The following POLR3B variants were observed in gnomAD, a reference collection of about 807,000 sequenced individuals.
POLR3B encodes RNA polymerase III subunit B, also known as DNA-directed RNA polymerase III subunit RPC2.
POLR3B carries 96 observed loss-of-function variants against 147.4 expected under a neutral mutation model. The observed-to-expected ratio is 0.65, with a 90% CI of 0.55 to 0.77. The LOEUF is 0.77. POLR3B is among the 30% of genes least tolerant of loss of function. The pLI, the probability that POLR3B is intolerant of heterozygous loss-of-function variation, is 0.00. For synonymous variants in POLR3B, 461 were observed against 485.9 expected, an observed-to-expected ratio of 0.95 and a Z score of 0.67; for missense variants, 1,036 against 1,413.5, an observed-to-expected ratio of 0.73 and a Z score of 4.28.
intron 22 of POLR3B, among the ~76,000 whole-genome samples, chr12:106,460,820 C>T (rs12303491): frequency 0.011 from 1,659 of 152,214 alleles, 23 homozygotes; most frequent in African/African-American, 0.038. Flanking sequence ...ATTCCTTCTC[C>T]ACAGGCTAGA....
chr12:106,430,241 G>C (rs768290287), intron 13 of POLR3B, 32 bp from the exon 14 acceptor site: 1 of 1,551,456 alleles, frequency 6.4e-7, no homozygotes, highest in East Asian at 2.2e-5. Flanking sequence ...GATTGGGTTA[G>C]GAATAGTCTT....
chr12:106,392,802 A>G (rs536910895), intron 9 of POLR3B, among the ~76,000 whole-genome samples: 127 of 152,362 alleles, frequency 8.3e-4, no homozygotes, highest in Admixed American at 2.9e-3. Flanking sequence ...GATAGTACAC[A>G]TGCAAAAAAT....
At chr12:106,439,565 A>C (rs1275398322) in intron 18 of POLR3B, among the ~76,000 whole-genome samples, 1 of 150,864 alleles carries the variant, frequency 6.6e-6, no homozygotes, top group African/African-American at 2.4e-5. Flanking sequence ...GGATTGCATG[A>C]GTCCAGGAGG....
intron 1 of POLR3B, among the ~76,000 whole-genome samples, chr12:106,363,624 T>C (rs1156707110): frequency 6.6e-6 from 1 of 152,246 alleles, no homozygotes; most frequent in Non-Finnish European, 1.5e-5. Context: ...GATTGAAAAG[T>C]GCTTAAAATC....
At chr12:106,445,223 A>G (rs1025301014) in intron 19 of POLR3B, among the ~76,000 whole-genome samples, 2 of 152,236 alleles carry the variant, frequency 1.3e-5, no homozygotes, top group Admixed American at 1.3e-4. Context: ...CTGAAAATAG[A>G]GAGATGAGGC....
intron 23 of POLR3B, among the ~76,000 whole-genome samples, chr12:106,478,998 T>A (rs927278797): frequency 6.6e-6 from 1 of 152,162 alleles, no homozygotes; most frequent in Non-Finnish European, 1.5e-5. Context: ...ACCTCCCTCC[T>A]ACTTTATTCC....
At chr12:106,383,527 T>G (rs573696092) in intron 9 of POLR3B, among the ~76,000 whole-genome samples, 1 of 152,110 alleles carries the variant, frequency 6.6e-6, no homozygotes, top group Non-Finnish European at 1.5e-5. Context: ...TTCACTATTG[T>G]TGTGTCTCAA....
intron 12 of POLR3B, among the ~76,000 whole-genome samples, chr12:106,426,839 TCCCCCCCCC>T (rs67180409): frequency 4.0e-5 from 1 of 25,290 alleles, no homozygotes; most frequent in African/African-American, 1.7e-4. Flanking sequence ...TTCTCCACCG[TCCCCCCCCC>T]CCCCCCCCGT....
chr12:106,509,541 A>G lies in POLR3B; in HGVS notation c.3394A>G (p.Asn1132Asp), dbSNP rs1455630044. The change falls in exon 28 of 28, where the codon AAT (asparagine) becomes GAT (aspartate). Residue 1132 changes from asparagine (N) to aspartate (D), a missense_variant. Transcript: ENST00000228347. ...IIPRLKLSKY[N>D]E is the part of the protein sequence containing the mutation. ...CCCCAGGTTAAAACTGTCCAAGTAC[A>G]ATGAATGAGGATGGAAAAAATGATT... The G allele has an allele frequency of 3.7e-6, 6 of 1,612,518 alleles. No individual in the cohort carries two copies. Among genetic ancestry groups the G allele is most frequent in the Non-Finnish European group, 5.1e-6 (6 of 1,178,742 alleles).
intron 9 of POLR3B, among the ~76,000 whole-genome samples, chr12:106,384,446 TGTG>T (rs977904315): frequency 4.6e-5 from 7 of 152,182 alleles, no homozygotes; most frequent in African/African-American, 1.7e-4. Context: ...AATCAATACT[TGTG>T]GTGCTTTTGT....
intron 9 of POLR3B, among the ~76,000 whole-genome samples, chr12:106,384,460 G>A (rs1322896396): frequency 6.6e-6 from 1 of 152,140 alleles, no homozygotes; most frequent in African/African-American, 2.4e-5. Context: ...GTGCTTTTGT[G>A]GTTATTCACA....
intron 9 of POLR3B, 35 bp downstream of exon 9, chr12:106,380,174 A>G: frequency 8.5e-7 from 1 of 1,173,200 alleles, no homozygotes. Flanking sequence ...AATTGTAAGA[A>G]TTCTTTCTCT....
chr12:106,494,331 T>C (rs1592774223), intron 23 of POLR3B, among the ~76,000 whole-genome samples: 1 of 152,040 alleles, frequency 6.6e-6, no homozygotes, highest in African/African-American at 2.4e-5. Context: ...TGATGGAGGG[T>C]GGACAGGCAG....
chr12:106,400,832 A>G (rs1185922537), intron 10 of POLR3B, among the ~76,000 whole-genome samples: 1 of 152,256 alleles, frequency 6.6e-6, no homozygotes, highest in African/African-American at 2.4e-5. Context: ...AGCAGTGTGT[A>G]GAGGGAAATT....
chr12:106,449,609 T>C (rs1465048995), intron 19 of POLR3B, among the ~76,000 whole-genome samples: 2 of 152,204 alleles, frequency 1.3e-5, no homozygotes, highest in Non-Finnish European at 2.9e-5. Flanking sequence ...AAGGAAATGA[T>C]AAGGAAGAGA....
chr12:106,414,195 C>T (rs2136940668), intron 12 of POLR3B, among the ~76,000 whole-genome samples: 2 of 140,994 alleles, frequency 1.4e-5, no homozygotes, highest in Middle Eastern at 8.0e-3. Context: ...TAAGATGTAT[C>T]CCATGTTCAG....
At chr12:106,489,714 C>T (rs141203386) in intron 23 of POLR3B, among the ~76,000 whole-genome samples, 54 of 152,250 alleles carry the variant, frequency 3.5e-4, no homozygotes, top group Non-Finnish European at 6.9e-4. Context: ...CTGTATTATG[C>T]TTTCTAAAAT....
chr12:106,433,905 AG>A, intron 16 of POLR3B, 33 bp downstream of exon 16: 1 of 1,570,798 alleles, frequency 6.4e-7, no homozygotes, highest in Non-Finnish European at 8.8e-7. Context: ...AGAGTTTTTA[AG>A]AATCTCTTTA....
chr12:106,505,522 A>C (rs571163998), intron 27 of POLR3B, among the ~76,000 whole-genome samples: 100 of 152,196 alleles, frequency 6.6e-4, no homozygotes, highest in African/African-American at 2.3e-3. Context: ...TCCTGGGCTC[A>C]AGTGATCCCT....
Sources: allele counts gnomAD v4.1 joint callset (sites outside exome capture counted in the v4.1 genomes callset), GRCh38; gene constraint gnomAD v4.1.1; transcripts MANE v1.5; gene names NCBI Gene and HGNC (gene_info 2026-07-23, HGNC 2026-07-21).